Variants in PTPRT observed in about 807,000 individuals in gnomAD.
PTPRT encodes the protein protein tyrosine phosphatase receptor type T.
In PTPRT, 56 loss-of-function variants were observed where a neutral mutation model predicts 176.8. That is an observed-to-expected ratio of 0.32 (90% CI 0.26 to 0.40). PTPRT has a LOEUF of 0.40. Ranked by LOEUF, PTPRT falls within the 10% of genes least tolerant of loss-of-function variation. The probability of loss-of-function intolerance (pLI) is 1.00; values close to 1 mark genes in which losing one functional copy is unlikely to be tolerated. For missense variants in PTPRT, 1,540 were observed against 1,908.2 expected (o/e 0.81, Z 3.60); for synonymous variants, 783 against 739.0 (o/e 1.06, Z -0.96).
intron 9 of PTPRT, among the ~76,000 whole-genome samples, chr20:42,433,431 T>A (rs1168201554): frequency 2.6e-5 from 4 of 152,204 alleles, no homozygotes; most frequent in Non-Finnish European, 5.9e-5. Flanking sequence ...AGGGTATACC[T>A]TGCAGGCTAA....
intron 2 of PTPRT, among the ~76,000 whole-genome samples, chr20:42,796,417 C>G (rs945135064): frequency 3.3e-5 from 5 of 152,284 alleles, no homozygotes; most frequent in African/African-American, 1.2e-4. Flanking sequence ...CAAATTACAT[C>G]CAAGTGAGTC....
intron 12 of PTPRT, among the ~76,000 whole-genome samples, chr20:42,313,284 G>A (rs780198911): frequency 3.0e-4 from 45 of 152,060 alleles, no homozygotes; most frequent in Non-Finnish European, 4.9e-4. Flanking sequence ...CAGCCCTCAG[G>A]GATGCTCTGT....
intron 9 of PTPRT, among the ~76,000 whole-genome samples, chr20:42,404,207 G>C (rs554040758): frequency 6.6e-6 from 1 of 152,270 alleles, no homozygotes; most frequent in African/African-American, 2.4e-5. Context: ...AAAAGAGGTG[G>C]AAGTTACTAT....
intron 7 of PTPRT, among the ~76,000 whole-genome samples, chr20:42,579,244 T>C (rs1345576709): frequency 6.6e-6 from 1 of 152,132 alleles, no homozygotes; most frequent in South Asian, 2.1e-4. Flanking sequence ...GAACTCATCA[T>C]TTTTTATGAC....
intron 2 of PTPRT, among the ~76,000 whole-genome samples, chr20:42,816,213 C>T (rs949215037): frequency 1.3e-5 from 2 of 152,136 alleles, no homozygotes; most frequent in East Asian, 1.9e-4. Context: ...AAGTTGATAG[C>T]TCAGATGCTA....
chr20:42,127,392 G>GTC (rs890670747), intron 19 of PTPRT, among the ~76,000 whole-genome samples: 1 of 151,880 alleles, frequency 6.6e-6, no homozygotes, highest in Non-Finnish European at 1.5e-5. Context: ...CTGTCTGTCT[G>GTC]TCTCTCTCTC....
intron 7 of PTPRT, among the ~76,000 whole-genome samples, chr20:42,645,128 T>C (rs1432629346): frequency 2.6e-5 from 4 of 152,154 alleles, no homozygotes; most frequent in African/African-American, 9.7e-5. Context: ...GAAAAGTCCA[T>C]GTTTGGAGAA....
intron 7 of PTPRT, among the ~76,000 whole-genome samples, chr20:42,571,965 C>G (rs571893481): frequency 6.6e-6 from 1 of 152,158 alleles, no homozygotes; most frequent in Non-Finnish European, 1.5e-5. Context: ...CTCCTGTATT[C>G]GTTTGAGCTG....
the PTPRT span, among the ~76,000 whole-genome samples, chr20:42,046,412 A>G: frequency 6.6e-6 from 1 of 152,222 alleles, no homozygotes; most frequent in Non-Finnish European, 1.5e-5. Flanking sequence ...GCATTTCTTG[A>G]GTGAATGGGG....
At chr20:42,452,511 G>A (rs1245109559) in intron 8 of PTPRT, among the ~76,000 whole-genome samples, 1 of 152,062 alleles carries the variant, frequency 6.6e-6, no homozygotes, top group African/African-American at 2.4e-5. Flanking sequence ...TGTAGTGGGG[G>A]ACGAATTACA....
chr20:42,128,669 C>A (rs1987974498), intron 19 of PTPRT, 85 bp downstream of exon 19: 6 of 1,264,530 alleles, frequency 4.7e-6, no homozygotes, highest in Non-Finnish European at 6.5e-6. Flanking sequence ...GGAAGGGCCA[C>A]CTTCTGGAGG....
chr20:42,128,341 A>G (rs748022858), intron 19 of PTPRT, among the ~76,000 whole-genome samples: 12 of 151,938 alleles, frequency 7.9e-5, no homozygotes, highest in Non-Finnish European at 1.3e-4. Context: ...TGTGCACATT[A>G]TCTCCCTGCT....
intron 1 of PTPRT, among the ~76,000 whole-genome samples, chr20:43,075,290 T>A (rs1172623035): frequency 6.6e-6 from 1 of 152,248 alleles, no homozygotes; most frequent in Non-Finnish European, 1.5e-5. Context: ...TTCAAGTGCA[T>A]ATGGCCTGTT....
chr20:42,419,914 C>T lies in PTPRT; in HGVS notation c.1560+28306G>A, dbSNP rs576044552. Among the ~76,000 whole-genome samples the T allele has an allele frequency of 1.6e-3, 251 of 152,240 alleles. 1 individual carries two copies. The highest frequency in any genetic ancestry group is 2.7e-3 in the Non-Finnish European group (186 of 68,016). On this transcript the variant is annotated intron_variant, in intron 9 of 30. Transcript: ENST00000373187. ...CGAGAACGCCACGTGGAGACAGAAG[C>T]GAGACTGGAGCAATGCAGCCACAAG...
chr20:42,531,140 A>G (rs2072376399), intron 7 of PTPRT, among the ~76,000 whole-genome samples: 1 of 152,184 alleles, frequency 6.6e-6, no homozygotes, highest in South Asian at 2.1e-4. Flanking sequence ...TTCCGGAGTT[A>G]ATATATACTG....
intron 9 of PTPRT, among the ~76,000 whole-genome samples, chr20:42,366,108 C>T (rs758988963): frequency 2.0e-5 from 3 of 152,206 alleles, no homozygotes; most frequent in Non-Finnish European, 2.9e-5. Context: ...GGCCACAACT[C>T]AGCCCAGGGC....
In PTPRT at chr20:42,696,495, G is replaced by A. The variant is rs112826912; in HGVS notation, c.860-18336C>T. ...TTTTGAGACAGAGCCTCGCTCTGTC[G>A]CCCAGGCTGGAGTGCAGTGGCATGA... On this transcript the variant is annotated intron_variant, in intron 6 of 30. Coordinates refer to ENST00000373187, the MANE Select transcript of PTPRT (RefSeq NM_007050.6). Among the ~76,000 whole-genome samples, 741 of 147,112 alleles carry A rather than the reference G, an allele frequency of 5.0e-3. 4 individuals are homozygous for A. Among genetic ancestry groups the A allele is most frequent in the Middle Eastern group, 0.014 (4 of 286 alleles).
chr20:42,716,796 A>G (rs1426108953), intron 6 of PTPRT, among the ~76,000 whole-genome samples: 3 of 152,298 alleles, frequency 2.0e-5, no homozygotes, highest in African/African-American at 7.2e-5. Flanking sequence ...CAAATGTCCA[A>G]CAATGATGGA....
intron 9 of PTPRT, among the ~76,000 whole-genome samples, chr20:42,353,100 G>A (rs56378585): frequency 0.01 from 1,593 of 152,290 alleles, 21 homozygotes; most frequent in African/African-American, 0.036. Context: ...CCCCTTCAGC[G>A]CTTCTTCATT....
Sources: allele counts gnomAD v4.1 joint callset (sites outside exome capture counted in the v4.1 genomes callset), GRCh38; gene constraint gnomAD v4.1.1; transcripts MANE v1.5; gene names NCBI Gene and HGNC (gene_info 2026-07-23, HGNC 2026-07-21).